The following RASSF2 variants were observed in gnomAD, a reference collection of about 807,000 sequenced individuals.
The protein encoded by RASSF2 is Ras association domain family member 2, also known as ras association domain-containing protein 2.
A neutral mutation model predicts 46.3 loss-of-function variants in RASSF2; 34 were observed. The observed-to-expected ratio is 0.73, with a 90% CI of 0.56 to 0.98. RASSF2 has a LOEUF of 0.98. Ranked by LOEUF, RASSF2 falls within the 50% of genes least tolerant of loss-of-function variation. The pLI is 0.00. For missense variants in RASSF2, 364 were observed against 431.2 expected, an observed-to-expected ratio of 0.84 and a Z score of 1.38; for synonymous variants, 158 against 162.5, an observed-to-expected ratio of 0.97 and a Z score of 0.21.
chr20:4,787,671 G>A lies in RASSF2; in HGVS notation c.775C>T (p.Leu259=), dbSNP rs766450119. Residue 259 remains leucine, a synonymous_variant, in exon 10 of 12, where the codon CTA becomes TTA. Transcript: ENST00000379400. ...GPCEQISKVF[L]MEKDQVEEVT... is the part of the protein sequence containing the mutation. Reference sequence around the variant, plus strand: ...TCCTCCACCTGGTCCTTCTCCATTAGGAACACTTTGGAGATCTGCTCACAT... The same window carrying A: ...TCCTCCACCTGGTCCTTCTCCATTAAGAACACTTTGGAGATCTGCTCACAT... 1.2e-6 allele frequency: 2 copies of A among 1,614,146 alleles called. No homozygotes were observed. The highest frequency in any genetic ancestry group is 1.7e-5 in the Admixed American group (1 of 60,010).
At position 4,789,706 on chromosome 20, in the gene RASSF2, A is replaced by G. The variant is rs1175217791; in HGVS notation, c.538-9T>C. 3.7e-6 allele frequency: 6 copies of G among 1,612,062 alleles called. No homozygotes were observed. Among genetic ancestry groups the G allele is most frequent in the Non-Finnish European group, 5.1e-6 (6 of 1,178,268 alleles). ...GGTGTGAACACGGATGTCTGTCAAT[A>G]GAAGGGCCCAGCTCAGGGTGGGAGT... On this transcript the variant is annotated splice_polypyrimidine_tract_variant and intron_variant, in intron 7 of 11. Coordinates refer to ENST00000379400, the MANE Select transcript of RASSF2 (RefSeq NM_014737.3).
In RASSF2 at chr20:4,792,574, G is replaced by A; in HGVS notation, c.341C>T (p.Ala114Val). 1 of 1,614,088 alleles carries A rather than the reference G, an allele frequency of 6.2e-7. No homozygotes were observed. Residue 114 changes from alanine (A) to valine (V), a missense_variant, in exon 6 of 12, where the codon GCC becomes GTC. By Grantham distance (64) the Ala-to-Val change is moderately conservative (BLOSUM62 0). Transcript: ENST00000379400. Reference protein sequence around the residue: ...VPKVQISEVDAPPEGDQMPSS... With the variant: ...VPKVQISEVDVPPEGDQMPSS... ...TGGCATCTGGTCACCCTCCGGCGGG[G>A]CATCCACCTCTGAGATCTGAACTTT...
At chr20:4,785,444 C>A (rs564253095) in intron 11 of RASSF2, among the ~76,000 whole-genome samples, 19 of 152,308 alleles carry the variant, frequency 1.2e-4, no homozygotes, top group African/African-American at 4.3e-4. Flanking sequence ...AATCCAGCAG[C>A]GGCTTTATTC....
intron 5 of RASSF2, among the ~76,000 whole-genome samples, chr20:4,793,938 C>T (rs1243181541): frequency 2.0e-5 from 3 of 152,132 alleles, no homozygotes; most frequent in Non-Finnish European, 2.9e-5. Flanking sequence ...GCAGGCGGAC[C>T]GAAGGACCCT....
At chr20:4,801,515 G>C (rs1226838148) in intron 2 of RASSF2, among the ~76,000 whole-genome samples, 2 of 152,112 alleles carry the variant, frequency 1.3e-5, no homozygotes, top group Non-Finnish European at 2.9e-5. Flanking sequence ...TGTGTCTACA[G>C]ACACCACTAA....
rs1338109926 is a variant in RASSF2, at chr20:4,797,948, C to A, written c.135+62G>T. 2.5e-6 allele frequency: 4 copies of A among 1,605,876 alleles called. No individual in the cohort carries two copies. The East Asian group carries it at 6.7e-5, about 27-fold the overall frequency. ...CTTGGGACCTCAGGGACCTTCAGAC[C>A]CAGGACACATGGTGACAAGCCCTGG... is the stretch of plus-strand genomic sequence containing the variant. On this transcript the variant is annotated intron_variant, in intron 4 of 11. Transcript: ENST00000379400.
intron 7 of RASSF2, 84 bp from the exon 8 acceptor site, chr20:4,789,781 A>G: frequency 1.7e-6 from 2 of 1,167,034 alleles, no homozygotes; most frequent in Non-Finnish European, 2.5e-6. Flanking sequence ...GGGCACAGTG[A>G]CAACGATACT....
intron 2 of RASSF2, among the ~76,000 whole-genome samples, chr20:4,808,361 A>C (rs1433929868): frequency 6.6e-6 from 1 of 152,194 alleles, no homozygotes; most frequent in African/African-American, 2.4e-5. Context: ...CAAGGAGGAA[A>C]GAGGGGCTTC....
At chr20:4,810,551 G>A (rs571988345) in intron 2 of RASSF2, among the ~76,000 whole-genome samples, 2 of 152,294 alleles carry the variant, frequency 1.3e-5, no homozygotes, top group East Asian at 1.9e-4. Flanking sequence ...CTCGCCCTAC[G>A]TGGTTTCAGT....
chr20:4,787,776 A>G (rs1291957535), intron 9 of RASSF2, 22 bp from the exon 10 acceptor site: 2 of 1,614,136 alleles, frequency 1.2e-6, no homozygotes, highest in Non-Finnish European at 1.7e-6. Context: ...CACACCCAGG[A>G]GCAGCCCTGA....
Position 4,781,379 on chromosome 20 carries a change from T to C in RASSF2, c.*2894A>G, listed in dbSNP as rs1300428315. 6.6e-6 allele frequency: 1 copy of C among 152,210 alleles called. No homozygotes were observed. Among genetic ancestry groups the C allele is most frequent in the African/African-American group, 2.4e-5 (1 of 41,470 alleles). 9.4% of individuals were successfully genotyped at this position (152,210 alleles called of 1,614,324 possible). A position where few individuals can be genotyped will look rare whatever the true frequency, so the allele number is the denominator to read the frequency against. On this transcript the variant is annotated 3_prime_UTR_variant, in exon 12 of 12. Transcript: ENST00000379400. ...CATCAGCATGTCTCAGATCAAAATC[T>C]TGACCCGAGGCCTCAGCATTTTTCT... is the stretch of plus-strand genomic sequence containing the variant.
chr20:4,818,363 C>A (rs187430411), intron 2 of RASSF2, among the ~76,000 whole-genome samples: 19 of 152,288 alleles, frequency 1.2e-4, no homozygotes, highest in Middle Eastern at 3.4e-3. Flanking sequence ...AGCGCTTGAA[C>A]ATATCCCATG....
chr20:4,800,955 C>A lies in RASSF2; in HGVS notation c.59+17G>T. ...GACTGGTCACTGAGGACAAAACACT[C>A]CAGCAAAACGTCTTACTTGGAAATG... On this transcript the variant is annotated intron_variant, in intron 3 of 11. Coordinates refer to ENST00000379400, the MANE Select transcript of RASSF2 (RefSeq NM_014737.3). 2 of 1,603,398 alleles carry A rather than the reference C, an allele frequency of 1.2e-6. No homozygotes were observed. The highest frequency in any genetic ancestry group is 1.7e-6 in the Non-Finnish European group (2 of 1,170,200).
At chr20:4,816,470 G>T (rs928773790) in intron 2 of RASSF2, among the ~76,000 whole-genome samples, 17 of 152,238 alleles carry the variant, frequency 1.1e-4, no homozygotes, top group African/African-American at 4.1e-4. Flanking sequence ...AAGGAGTGAG[G>T]GGGTTATTGT....
rs186673243 is a variant in RASSF2 at position 4,780,253 on chromosome 20, C to A, written c.*4020G>T. ...CACAAGGCTAAAACAATTGGGAAAA[C>A]CCTTCAGAAACGCTAGCAATTACAC... On this transcript the variant is annotated 3_prime_UTR_variant, in exon 12 of 12. Coordinates refer to ENST00000379400, the MANE Select transcript of RASSF2 (RefSeq NM_014737.3). The A allele has an allele frequency of 6.6e-6, 1 of 152,290 alleles. No homozygotes were observed. The highest frequency in any genetic ancestry group is 6.5e-5 in the Admixed American group (1 of 15,296). The allele number at this position is 152,290 out of a possible 1,614,324, so 9.4% of individuals were successfully genotyped here. A position where few individuals can be genotyped will look rare whatever the true frequency, so the allele number is the denominator to read the frequency against.
Position 4,822,378 on chromosome 20 carries a change from G to C in RASSF2, c.-82C>G, listed in dbSNP as rs973012105. 2 of 152,026 alleles carry C rather than the reference G, an allele frequency of 1.3e-5. No homozygotes were observed. Among genetic ancestry groups the C allele is most frequent in the African/African-American group, 4.8e-5 (2 of 41,378 alleles). 9.4% of individuals were successfully genotyped at this position (152,026 alleles called of 1,614,324 possible). On this transcript the variant is annotated 5_prime_UTR_variant, in exon 2 of 12. Coordinates refer to ENST00000379400, the MANE Select transcript of RASSF2 (RefSeq NM_014737.3). ...CAGCCTTTGCTCTCCCGAAAAACAC[G>C]TTCTAGGCGCCGGGATTCCAGATAC... is the stretch of plus-strand genomic sequence containing the variant.
chr20:4,789,892 T>C (rs1404725620), intron 7 of RASSF2, among the ~76,000 whole-genome samples, 195 bp from the exon 8 acceptor site: 1 of 152,076 alleles, frequency 6.6e-6, no homozygotes, highest in Non-Finnish European at 1.5e-5. Flanking sequence ...TGCTCCACGC[T>C]CAAAAAGACC....
chr20:4,791,514 T>C (rs189246951), intron 6 of RASSF2, among the ~76,000 whole-genome samples: 11 of 152,356 alleles, frequency 7.2e-5, no homozygotes, highest in Admixed American at 7.2e-4. Flanking sequence ...CATATGTCTA[T>C]CCTTGTATGT....
chr20:4,787,737 C>A lies in RASSF2; in HGVS notation c.709G>T (p.Ala237Ser), dbSNP rs1005497586. The A allele has an allele frequency of 2.5e-6, 4 of 1,614,120 alleles. No homozygotes were observed. The highest frequency in any genetic ancestry group is 1.6e-4 in the Middle Eastern group (1 of 6,062). ...HTSGEKQKLKATDYPLIARIL... is the reference protein window; with the variant it reads ...HTSGEKQKLKSTDYPLIARIL... ...CGGGCAATCAGCGGGTAATCGGTGGCCTTCAGCTTCTGTTTCTCTGCAACC... is the reference window on the plus strand; with the variant it reads ...CGGGCAATCAGCGGGTAATCGGTGGACTTCAGCTTCTGTTTCTCTGCAACC... Residue 237 changes from alanine (A) to serine (S), a missense_variant, in exon 10 of 12, where the codon GCC becomes TCC. By Grantham distance (99) the Ala-to-Ser change is moderately conservative. Transcript: ENST00000379400.
Sources: gnomAD v4.1 joint callset for allele counts (sites outside exome capture counted in the v4.1 genomes callset) on GRCh38, gnomAD v4.1.1 for gene constraint, MANE v1.5 for transcripts, NCBI Gene and HGNC (gene_info 2026-07-23, HGNC 2026-07-21) for gene names.